The following CABCOCO1 variants were observed in gnomAD, a reference collection of about 807,000 sequenced individuals.
CABCOCO1 encodes the protein ciliary associated calcium binding coiled-coil 1, also known as ciliary-associated calcium-binding coiled-coil protein 1.
Under a neutral mutation model 35.7 loss-of-function variants are expected in CABCOCO1, and 28 were observed. That is an observed-to-expected ratio of 0.78 (90% CI 0.58 to 1.07). The LOEUF (loss-of-function observed/expected upper bound fraction) is 1.07, where lower values mean the gene tolerates loss of function less well. Ranked by LOEUF, CABCOCO1 falls within the 50% of genes least tolerant of loss-of-function variation. The probability of loss-of-function intolerance (pLI) is 0.00; values close to 1 mark genes in which losing one functional copy is unlikely to be tolerated. For missense variants in CABCOCO1, 326 were observed against 309.2 expected, an observed-to-expected ratio of 1.05 and a Z score of -0.41; for synonymous variants, 95 against 100.1, an observed-to-expected ratio of 0.95 and a Z score of 0.30.
chr10:61,669,747 G>C (rs141632646), intron 1 of CABCOCO1, among the ~76,000 whole-genome samples: 83 of 152,188 alleles, frequency 5.5e-4, no homozygotes, highest in African/African-American at 1.9e-3. Flanking sequence ...AAAAGGTTAA[G>C]ATTATTGGAT....
intron 5 of CABCOCO1, among the ~76,000 whole-genome samples, chr10:61,728,282 T>C (rs565058447): frequency 4.6e-5 from 7 of 152,232 alleles, no homozygotes; most frequent in African/African-American, 9.6e-5. Context: ...CCTATGTTTA[T>C]GTACAAGGCC....
At chr10:61,740,762 A>G (rs532099367) in intron 5 of CABCOCO1, among the ~76,000 whole-genome samples, 56 of 152,316 alleles carry the variant, frequency 3.7e-4, no homozygotes. Flanking sequence ...GAAACGAACA[A>G]TATAAATGAG....
chr10:61,721,830 T>C (rs900398674), intron 5 of CABCOCO1, among the ~76,000 whole-genome samples: 2 of 152,140 alleles, frequency 1.3e-5, no homozygotes, highest in Non-Finnish European at 2.9e-5. Context: ...TGCAAAATCT[T>C]TATTAGGAAT....
intron 4 of CABCOCO1, among the ~76,000 whole-genome samples, chr10:61,686,797 T>C (rs146421494): frequency 4.3e-4 from 66 of 152,322 alleles, no homozygotes; most frequent in Middle Eastern, 3.4e-3. Flanking sequence ...TTTATTACAG[T>C]GATTCTTCAT....
At chr10:61,663,115 G>A (rs994375327) in intron 1 of CABCOCO1, 83 bp downstream of exon 1, 1 of 207,440 alleles carries the variant, frequency 4.8e-6, no homozygotes. Context: ...GGAGTCTGCG[G>A]CCAAGCCAAA....
intron 5 of CABCOCO1, among the ~76,000 whole-genome samples, chr10:61,750,508 G>A (rs749503430): frequency 3.9e-5 from 6 of 152,100 alleles, no homozygotes; most frequent in South Asian, 4.1e-4. Flanking sequence ...CCTGGGAGGC[G>A]GAGTTTGCAG....
chr10:61,757,486 A>G (rs1206762806), intron 5 of CABCOCO1, among the ~76,000 whole-genome samples: 1 of 152,070 alleles, frequency 6.6e-6, no homozygotes, highest in East Asian at 1.9e-4. Context: ...AAACACCCTG[A>G]AGAAAAGAAA....
In CABCOCO1 at chr10:61,688,404, T is replaced by G. The variant is rs1054968294; in HGVS notation, c.480-2145T>G. Among the ~76,000 whole-genome samples, 8 of 152,174 alleles carry G rather than the reference T, an allele frequency of 5.3e-5. No homozygotes were observed. The East Asian group carries it at 1.5e-3, about 29-fold the overall frequency. ...AAATGGAAATTTCATTTGATGCCCT[T>G]AACACACTCTGTCATGTGTCTGTGA... On this transcript the variant is annotated intron_variant, in intron 4 of 7. Transcript: ENST00000648843.
At chr10:61,703,301 C>A (rs1363520318) in intron 5 of CABCOCO1, among the ~76,000 whole-genome samples, 1 of 150,384 alleles carries the variant, frequency 6.6e-6, no homozygotes, top group Non-Finnish European at 1.5e-5. Flanking sequence ...AGAGGTAGAT[C>A]ATCCATTATT....
chr10:61,663,960 T>A (rs75456809), intron 1 of CABCOCO1, among the ~76,000 whole-genome samples: 3,919 of 152,216 alleles, frequency 0.026, 160 homozygotes, highest in African/African-American at 0.09. Context: ...GACTTCCTTA[T>A]TCGTTGGTCT....
intron 5 of CABCOCO1, among the ~76,000 whole-genome samples, chr10:61,692,303 T>C (rs1840170184): frequency 1.3e-5 from 2 of 152,224 alleles, no homozygotes; most frequent in Non-Finnish European, 2.9e-5. Flanking sequence ...TTTTGAGAAG[T>C]GTCTGTTCAT....
At chr10:61,684,917 A>G (rs1428517385) in intron 3 of CABCOCO1, 1 of 152,272 alleles carries the variant, frequency 6.6e-6, no homozygotes, top group East Asian at 1.9e-4. Context: ...TTTTTATTAC[A>G]GACATTTTAA....
At position 61,766,147 on chromosome 10, in the gene CABCOCO1, C is replaced by T; in HGVS notation, c.*134C>T. 1.3e-6 allele frequency: 1 copy of T among 792,136 alleles called. No homozygotes were observed. The highest frequency in any genetic ancestry group is 2.1e-5 in the South Asian group (1 of 47,636). 49.1% of individuals were successfully genotyped at this position (792,136 alleles called of 1,614,324 possible). A position where few individuals can be genotyped will look rare whatever the true frequency, so the allele number is the denominator to read the frequency against. On this transcript the variant is annotated 3_prime_UTR_variant, in exon 8 of 8. Coordinates refer to ENST00000648843, the MANE Select transcript of CABCOCO1 (RefSeq NM_001366906.2). The stretch of plus-strand genomic sequence containing the variant: ...AAACCAAGCCCCACTTTTTATTTTC[C>T]TAAGTAATTAGAAAAGTATTGGTCC...
At chr10:61,736,722 T>C (rs1486875746) in intron 5 of CABCOCO1, among the ~76,000 whole-genome samples, 1 of 152,204 alleles carries the variant, frequency 6.6e-6, no homozygotes, top group Non-Finnish European at 1.5e-5. Flanking sequence ...ATCTGTACAT[T>C]ACTTTGGGCA....
rs565071548 is a variant in CABCOCO1 at position 61,758,534 on chromosome 10, T to C, written c.553-1525T>C. On this transcript the variant is annotated intron_variant, in intron 5 of 7. Transcript: ENST00000648843. ...TGATTAACATTTAGTTGACTTAAGA[T>C]AAACAATCTGGAATGATGTCACCTA... Among the ~76,000 whole-genome samples, 26 of 152,218 alleles carry C rather than the reference T, an allele frequency of 1.7e-4. 1 individual carries two copies. The highest frequency in any genetic ancestry group is 6.0e-4 in the African/African-American group (25 of 41,548).
intron 5 of CABCOCO1, among the ~76,000 whole-genome samples, chr10:61,717,981 A>C (rs898448843): frequency 6.6e-6 from 1 of 152,204 alleles, no homozygotes; most frequent in Non-Finnish European, 1.5e-5. Flanking sequence ...TGGAAAATAG[A>C]ATCTAATGGG....
At chr10:61,692,326 CTT>C (rs1383493281) in intron 5 of CABCOCO1, among the ~76,000 whole-genome samples, 2 of 152,128 alleles carry the variant, frequency 1.3e-5, no homozygotes, top group East Asian at 3.8e-4. Flanking sequence ...CCTTCACCCG[CTT>C]CTGGATGGGG....
chr10:61,762,824 C>G lies in CABCOCO1; in HGVS notation c.816+1821C>G, dbSNP rs1842034593. Among the ~76,000 whole-genome samples, 4 of 152,042 alleles carry G rather than the reference C, an allele frequency of 2.6e-5. No individual in the cohort carries two copies. The South Asian group carries it at 8.3e-4, about 32-fold the overall frequency. On this transcript the variant is annotated intron_variant, in intron 7 of 7. Transcript: ENST00000648843. The stretch of plus-strand genomic sequence containing the variant: ...ACCACATAACTTCTAATATCACAAC[C>G]AGACTACTCTGGATTTTAATACTCC...
At chr10:61,665,658 C>T (rs1052927256) in intron 1 of CABCOCO1, among the ~76,000 whole-genome samples, 3 of 151,832 alleles carry the variant, frequency 2.0e-5, no homozygotes, top group Non-Finnish European at 4.4e-5. Context: ...GAGGCCGAGG[C>T]GGGCGGATCA....
Sources: allele counts gnomAD v4.1 joint callset (sites outside exome capture counted in the v4.1 genomes callset), GRCh38; gene constraint gnomAD v4.1.1; transcripts MANE v1.5; gene names NCBI Gene and HGNC (gene_info 2026-07-23, HGNC 2026-07-21).